RAP1GAP2: variants seen among roughly 807,000 people sequenced by gnomAD.
RAP1GAP2 encodes the protein rap1 GTPase-activating protein 2.
In RAP1GAP2, 27 loss-of-function variants were observed where a neutral mutation model predicts 95.0. The observed-to-expected ratio is 0.28, with a 90% confidence interval of 0.21 to 0.39. The LOEUF (loss-of-function observed/expected upper bound fraction) is 0.39. Ranked by LOEUF, RAP1GAP2 falls within the 10% of genes least tolerant of loss-of-function variation. The pLI is 1.00. For missense variants in RAP1GAP2, 771 were observed against 970.0 expected, an observed-to-expected ratio of 0.79 and a Z score of 2.72; for synonymous variants, 373 against 380.9, an observed-to-expected ratio of 0.98 and a Z score of 0.24.
At chr17:2,914,488 T>G (rs773246274) in intron 3 of RAP1GAP2, among the ~76,000 whole-genome samples, 2 of 152,126 alleles carry the variant, frequency 1.3e-5, no homozygotes, top group Non-Finnish European at 2.9e-5. Context: ...AGTTCGTTTC[T>G]TTTCTTCTTC....
chr17:3,024,640 T>C (rs988995777), intron 19 of RAP1GAP2, among the ~76,000 whole-genome samples: 10 of 152,216 alleles, frequency 6.6e-5, no homozygotes, highest in African/African-American at 1.2e-4. Flanking sequence ...CTATTTATCA[T>C]AGCCCAAAGT....
At chr17:2,864,335 G>A (rs185660992) in intron 2 of RAP1GAP2, among the ~76,000 whole-genome samples, 1 of 152,364 alleles carries the variant, frequency 6.6e-6, no homozygotes, top group East Asian at 1.9e-4. Context: ...TGCCTGATGG[G>A]TGTTATTCTG....
chr17:2,761,310 C>T (rs1331628185), intron 1 of RAP1GAP2, among the ~76,000 whole-genome samples: 11 of 127,270 alleles, frequency 8.6e-5, no homozygotes, highest in African/African-American at 1.5e-4. Flanking sequence ...TTTTTTGAGA[C>T]GGAGTTTCAC....
chr17:3,008,154 G>C lies in RAP1GAP2; in HGVS notation c.1494+9G>C, dbSNP rs199936642. The C allele has an allele frequency of 9.7e-5, 157 of 1,613,848 alleles. No homozygotes were observed. The African/African-American group carries it at 2.0e-3, about 20-fold the overall frequency. On this transcript the variant is annotated intron_variant, in intron 17 of 24. Transcript: ENST00000254695. This position sits in a 1 kb window ranked among gnomAD's most constrained non-coding sequence, Gnocchi z 4.2. ...TCCTGGAGTCTTTTAAGGTATGAGCGTCAGAGTGACTGATGGTTGCTGTGG... is the reference window on the plus strand; with the variant it reads ...TCCTGGAGTCTTTTAAGGTATGAGCCTCAGAGTGACTGATGGTTGCTGTGG...
chr17:2,932,069 C>T (rs901220506), intron 3 of RAP1GAP2, among the ~76,000 whole-genome samples: 7 of 152,194 alleles, frequency 4.6e-5, no homozygotes, highest in Non-Finnish European at 8.8e-5. Flanking sequence ...ACGGCTCCAG[C>T]AAAGTCCCAG....
intron 2 of RAP1GAP2, among the ~76,000 whole-genome samples, chr17:2,819,486 T>C (rs916004195): frequency 2.6e-5 from 4 of 151,640 alleles, no homozygotes; most frequent in Non-Finnish European, 5.9e-5. Flanking sequence ...CTTTTTTTTT[T>C]CTTTTTTGAC....
intron 2 of RAP1GAP2, among the ~76,000 whole-genome samples, chr17:2,852,976 G>T (rs1333391926): frequency 6.6e-6 from 1 of 152,080 alleles, no homozygotes; most frequent in Admixed American, 6.5e-5. Context: ...AGTGCGCAGC[G>T]GCCAGGCCCG....
intron 3 of RAP1GAP2, among the ~76,000 whole-genome samples, chr17:2,915,651 A>T (rs1456144509): frequency 6.6e-6 from 1 of 152,130 alleles, no homozygotes; most frequent in Non-Finnish European, 1.5e-5. Flanking sequence ...GTCTTTGCTT[A>T]CCCCAGCTCA....
chr17:2,788,895 C>A (rs1124039), intron 1 of RAP1GAP2, among the ~76,000 whole-genome samples: 2,803 of 152,224 alleles, frequency 0.018, 148 homozygotes, highest in Admixed American at 0.11. Context: ...AGGCTAATCT[C>A]TTCCAGAAAC....
intron 2 of RAP1GAP2, among the ~76,000 whole-genome samples, chr17:2,812,108 C>T (rs11652691): frequency 0.074 from 11,316 of 152,188 alleles, 533 homozygotes; most frequent in Non-Finnish European, 0.091. Context: ...CAGAGTCAGC[C>T]GGACCCTCTG....
chr17:2,846,740 C>T (rs937608016), intron 2 of RAP1GAP2, among the ~76,000 whole-genome samples: 3 of 152,134 alleles, frequency 2.0e-5, no homozygotes, highest in Non-Finnish European at 4.4e-5. Context: ...AATTCCTAGT[C>T]CAAGGCCGCA....
At chr17:2,939,698 G>C (rs923739931) in intron 3 of RAP1GAP2, among the ~76,000 whole-genome samples, 1 of 151,972 alleles carries the variant, frequency 6.6e-6, no homozygotes, top group South Asian at 2.1e-4. Context: ...CAGGGATGGA[G>C]GGGGGAGGCT....
chr17:3,026,601 G>A (rs2151661072), intron 21 of RAP1GAP2, 137 bp downstream of exon 21: 1 of 823,702 alleles, frequency 1.2e-6, no homozygotes, highest in Admixed American at 2.9e-5. Flanking sequence ...AACGAGAGGT[G>A]GGCTCGTTGG....
intron 2 of RAP1GAP2, among the ~76,000 whole-genome samples, chr17:2,890,161 A>T (rs2073659981): frequency 6.6e-6 from 1 of 151,966 alleles, no homozygotes; most frequent in Admixed American, 6.6e-5. Context: ...TCTTCCAGGA[A>T]TGTACCACGG....
intron 2 of RAP1GAP2, among the ~76,000 whole-genome samples, chr17:2,821,835 A>G (rs2070319152): frequency 6.6e-6 from 1 of 152,130 alleles, no homozygotes; most frequent in Non-Finnish European, 1.5e-5. Flanking sequence ...ATCATCCCAG[A>G]AAGTTCTACT....
At chr17:2,780,732 A>G (rs2068626783) in intron 1 of RAP1GAP2, among the ~76,000 whole-genome samples, 1 of 152,246 alleles carries the variant, frequency 6.6e-6, no homozygotes. Context: ...ACAGCCATTT[A>G]AAGTCTACTC....
chr17:2,990,548 C>T (rs1236942121), intron 11 of RAP1GAP2, among the ~76,000 whole-genome samples: 1 of 152,116 alleles, frequency 6.6e-6, no homozygotes, highest in Non-Finnish European at 1.5e-5. Flanking sequence ...AGTGAAGTTG[C>T]CGGATCATAT....
chr17:2,953,950 C>T (rs900501098), intron 3 of RAP1GAP2, among the ~76,000 whole-genome samples: 1 of 152,174 alleles, frequency 6.6e-6, no homozygotes, highest in Admixed American at 6.5e-5. Context: ...CTTTTTATTG[C>T]TTTGAAACGA....
intron 8 of RAP1GAP2, among the ~76,000 whole-genome samples, chr17:2,967,486 C>T (rs2044667735): frequency 6.6e-6 from 1 of 152,102 alleles, no homozygotes; most frequent in Admixed American, 6.5e-5. Flanking sequence ...TGAGAGTGAG[C>T]CCTGGAATAG....
Sources: allele counts gnomAD v4.1 joint callset (sites outside exome capture counted in the v4.1 genomes callset), GRCh38; gene constraint gnomAD v4.1.1; non-coding constraint Gnocchi (gnomAD v3.1); transcripts MANE v1.5; gene names NCBI Gene and HGNC (gene_info 2026-07-23, HGNC 2026-07-21).